Variants in CEP85L observed in about 807,000 individuals in gnomAD.
CEP85L encodes the protein centrosomal protein 85L.
CEP85L carries 60 observed loss-of-function variants against 100.3 expected under a neutral mutation model. The ratio of observed to expected loss-of-function variants is 0.60; its 90% confidence interval spans 0.49 to 0.74. The LOEUF (loss-of-function observed/expected upper bound fraction) is 0.74. Among genes scored for constraint, CEP85L ranks in the 30% least tolerant of loss-of-function variants. The probability of loss-of-function intolerance (pLI) is 0.00; values close to 1 mark genes in which losing one functional copy is unlikely to be tolerated. For missense variants in CEP85L, 973 were observed against 936.2 expected, an observed-to-expected ratio of 1.04 and a Z score of -0.51; for synonymous variants, 319 against 322.7, an observed-to-expected ratio of 0.99 and a Z score of 0.12.
intron 3 of CEP85L, among the ~76,000 whole-genome samples, chr6:118,549,703 CTTATG>C: frequency 6.6e-6 from 1 of 151,720 alleles, no homozygotes; most frequent in Admixed American, 6.6e-5. Flanking sequence ...GTGTAGGTGT[CTTATG>C]TTATTTGTGC....
chr6:118,477,517 T>C (rs2114497265), intron 10 of CEP85L, among the ~76,000 whole-genome samples: 1 of 152,306 alleles, frequency 6.6e-6, no homozygotes, highest in African/African-American at 2.4e-5. Flanking sequence ...TTTTATCTCC[T>C]ATAAATTGGA....
intron 2 of CEP85L, among the ~76,000 whole-genome samples, chr6:118,604,597 G>A (rs996224693): frequency 5.3e-5 from 8 of 152,118 alleles, no homozygotes; most frequent in Admixed American, 5.2e-4. Context: ...TTTACGTTTG[G>A]TGAAAACCCT....
At chr6:118,595,923 C>T (rs12203006) in intron 2 of CEP85L, among the ~76,000 whole-genome samples, 70,752 of 151,918 alleles carry the variant, frequency 0.47, 16,978 homozygotes, top group Middle Eastern at 0.57. Flanking sequence ...TTGAAGGCAG[C>T]TAACTAAAAT....
chr6:118,632,382 T>G (rs913132763), intron 2 of CEP85L, 71 bp downstream of exon 2: 1 of 1,130,554 alleles, frequency 8.8e-7, no homozygotes, highest in African/African-American at 1.6e-5. Context: ...ATAAAACATA[T>G]CCCCTGAAAA....
intron 8 of CEP85L, among the ~76,000 whole-genome samples, chr6:118,481,234 T>A (rs193226495): frequency 5.3e-5 from 8 of 152,024 alleles, no homozygotes; most frequent in Admixed American, 5.2e-4. Flanking sequence ...TATTTAGAAT[T>A]TTTACTTTTT....
In CEP85L at chr6:118,572,674, A is replaced by G. The variant is rs1291081092; in HGVS notation, c.233-6358T>C. ...ACCACACACTGCTAGGAGTGGGGCT[A>G]TATAAAGTAATTCATCTAAAGAGTC... On this transcript the variant is annotated intron_variant, in intron 2 of 12. Coordinates refer to ENST00000368491, the MANE Select transcript of CEP85L (RefSeq NM_001042475.3). Among the ~76,000 whole-genome samples, 3 of 152,316 alleles carry G rather than the reference A, an allele frequency of 2.0e-5. No individual in the cohort carries two copies. The South Asian group carries it at 6.2e-4, about 32-fold the overall frequency.
chr6:118,512,242 T>G (rs992677975), intron 4 of CEP85L, among the ~76,000 whole-genome samples: 1 of 151,990 alleles, frequency 6.6e-6, no homozygotes, highest in African/African-American at 2.4e-5. Flanking sequence ...AAGCTGAGAA[T>G]CTGGAGAAAC....
intron 3 of CEP85L, among the ~76,000 whole-genome samples, chr6:118,540,259 A>G (rs997967538): frequency 9.2e-5 from 14 of 152,116 alleles, no homozygotes; most frequent in African/African-American, 1.9e-4. Context: ...CTGTATCATG[A>G]TAAGTTGGGT....
rs560549634 is a variant in CEP85L at position 118,494,422 on chromosome 6, G to A, written c.1258-2557C>T. On this transcript the variant is annotated intron_variant, in intron 5 of 12. Coordinates refer to ENST00000368491, the MANE Select transcript of CEP85L (RefSeq NM_001042475.3). ...AAACTATTTTACCAGAGCCTAAACT[G>A]CTGGGGTTTTATCAGAGCTTAACGT... is the stretch of plus-strand genomic sequence containing the variant. Among the ~76,000 whole-genome samples the A allele has an allele frequency of 2.0e-5, 3 of 152,272 alleles. No homozygotes were observed. The South Asian group carries it at 6.2e-4, about 32-fold the overall frequency.
intron 2 of CEP85L, chr6:118,589,136 A>G (rs1562287980): frequency 3.5e-6 from 1 of 289,826 alleles, no homozygotes; most frequent in Non-Finnish European, 7.3e-6. Context: ...GAAGAAACAC[A>G]AGGCCTTCAA....
chr6:118,563,488 G>GT (rs949925017), intron 3 of CEP85L, among the ~76,000 whole-genome samples: 2 of 152,132 alleles, frequency 1.3e-5, no homozygotes, highest in Non-Finnish European at 2.9e-5. Flanking sequence ...TAAAAATATT[G>GT]TTTTTTCATG....
At chr6:118,685,126 G>A (rs1298759478) in intron 1 of CEP85L, among the ~76,000 whole-genome samples, 2 of 152,140 alleles carry the variant, frequency 1.3e-5, no homozygotes, top group East Asian at 3.8e-4. Flanking sequence ...AACTAAAAGG[G>A]AAATTTAGCT....
rs1006400864 is a variant in CEP85L, at chr6:118,537,748, T to C, written c.1021-13828A>G. 3.0e-6 allele frequency: 3 copies of C among 985,240 alleles called. No individual in the cohort carries two copies. The African/African-American group carries it at 5.2e-5, about 17-fold the overall frequency. The allele number at this position is 985,240 out of a possible 1,614,324, so 61.0% of individuals were successfully genotyped here. A position where few individuals can be genotyped will look rare whatever the true frequency, so the allele number is the denominator to read the frequency against. ...GACAAATACTGTTAAATTTAGATAATCCAGTGCTACCACACTTGACTGGAA... is the reference window on the plus strand; with the variant it reads ...GACAAATACTGTTAAATTTAGATAACCCAGTGCTACCACACTTGACTGGAA... On this transcript the variant is annotated intron_variant, in intron 3 of 12. Coordinates refer to ENST00000368491, the MANE Select transcript of CEP85L (RefSeq NM_001042475.3).
upstream of CEP85L, among the ~76,000 whole-genome samples, chr6:118,653,046 TG>T (rs1775650948): frequency 6.6e-6 from 1 of 152,172 alleles, no homozygotes. Context: ...TTCTAAGAAG[TG>T]TATAAAATAT....
chr6:118,695,005 C>T (rs1777160599), intron 1 of CEP85L, among the ~76,000 whole-genome samples: 1 of 152,140 alleles, frequency 6.6e-6, no homozygotes, highest in African/African-American at 2.4e-5. Flanking sequence ...TTATTGTAGA[C>T]ATGGCAGTGT....
intron 5 of CEP85L, among the ~76,000 whole-genome samples, chr6:118,499,394 G>A (rs369218074): frequency 7.8e-4 from 119 of 152,156 alleles, no homozygotes; most frequent in Non-Finnish European, 1.6e-3. Flanking sequence ...GGCCAGGCAC[G>A]GTGGCTCATG....
chr6:118,652,503 TAGGCCCATC>T (rs1775625200), upstream of CEP85L: 1 of 1,361,080 alleles, frequency 7.3e-7, no homozygotes, highest in African/African-American at 1.5e-5. Flanking sequence ...GGCTCTGCAG[TAGGCCCATC>T]ACTCAGAGGT....
intron 1 of CEP85L, among the ~76,000 whole-genome samples, chr6:118,688,732 T>C (rs1776928277): frequency 6.6e-6 from 1 of 152,206 alleles, no homozygotes; most frequent in Admixed American, 6.5e-5. Flanking sequence ...CTCCTTTCCA[T>C]TTCTTTGGCC....
At chr6:118,473,097 C>G (rs1033752286) in intron 10 of CEP85L, among the ~76,000 whole-genome samples, 2 of 152,078 alleles carry the variant, frequency 1.3e-5, no homozygotes, top group African/African-American at 4.8e-5. Context: ...AACATGCATA[C>G]CATATAAGAA....
Sources: gnomAD v4.1 joint callset for allele counts (sites outside exome capture counted in the v4.1 genomes callset) on GRCh38, gnomAD v4.1.1 for gene constraint, MANE v1.5 for transcripts, NCBI Gene and HGNC (gene_info 2026-07-23, HGNC 2026-07-21) for gene names.